The following TBCD variants were observed in gnomAD, a reference collection of about 807,000 sequenced individuals.
The protein encoded by TBCD is tubulin folding cofactor D.
TBCD carries 105 observed loss-of-function variants against 169.3 expected under a neutral mutation model. The observed-to-expected ratio is 0.62, with a 90% CI of 0.53 to 0.73. The LOEUF is 0.73. TBCD is among the 30% of genes least tolerant of loss of function. TBCD has a pLI of 0.00. For synonymous variants in TBCD, 700 were observed against 643.9 expected, an observed-to-expected ratio of 1.09 and a Z score of -1.32; for missense variants, 1,444 against 1,600.1, an observed-to-expected ratio of 0.90 and a Z score of 1.66.
Position 82,890,304 on chromosome 17 carries a change from AG to A in TBCD, c.1563+611del, listed in dbSNP as rs1165268924. Among the ~76,000 whole-genome samples, 1 of 152,108 alleles carries A rather than the reference AG, an allele frequency of 6.6e-6. No individual in the cohort carries two copies. Among genetic ancestry groups the A allele is most frequent in the Non-Finnish European group, 1.5e-5 (1 of 68,020 alleles). ...CAGGAGAGTGGGACAGAGGCCGGAG[AG>A]GGGACCGGGGTCTGGGCTGGACCTG... On this transcript the variant is annotated intron_variant, in intron 16 of 38. Coordinates refer to ENST00000355528, the MANE Select transcript of TBCD (RefSeq NM_005993.5). The surrounding 1 kb of genome is among the most constrained non-coding windows in gnomAD (Gnocchi z 5.3).
chr17:82,933,707 C>T (rs960268874), intron 34 of TBCD, among the ~76,000 whole-genome samples: 1 of 152,122 alleles, frequency 6.6e-6, no homozygotes, highest in Non-Finnish European at 1.5e-5. Context: ...AACCCCGTCC[C>T]GGGTTCAAGC....
intron 13 of TBCD, among the ~76,000 whole-genome samples, chr17:82,829,085 C>A (rs936408684): frequency 6.7e-6 from 1 of 149,648 alleles, no homozygotes; most frequent in Non-Finnish European, 1.5e-5. Flanking sequence ...CACACGCACA[C>A]CCACACAATT....
At chr17:82,893,662 G>T in intron 17 of TBCD, 30 bp downstream of exon 17, 1 of 1,487,528 alleles carries the variant, frequency 6.7e-7, no homozygotes, top group Non-Finnish European at 9.2e-7. Context: ...CACAAAAATA[G>T]AATACTCTAA....
chr17:82,755,998 C>T (rs928343352), intron 1 of TBCD, among the ~76,000 whole-genome samples, 167 bp from the exon 2 acceptor site: 65 of 152,218 alleles, frequency 4.3e-4, no homozygotes, highest in African/African-American at 1.4e-3. Context: ...GCATTCCCTC[C>T]AGGTGGCCTG....
rs1417779041 is a variant in TBCD at position 82,806,225 on chromosome 17, C to G, written c.1087+214C>G. 6.6e-6 allele frequency among the ~76,000 whole-genome samples: 1 copy of G among 152,094 alleles called. No individual in the cohort carries two copies. Among genetic ancestry groups the G allele is most frequent in the Non-Finnish European group, 1.5e-5 (1 of 68,020 alleles). On this transcript the variant is annotated intron_variant, in intron 10 of 38. Transcript: ENST00000355528. This position sits in a 1 kb window ranked among gnomAD's most constrained non-coding sequence, Gnocchi z 5.1. ...GTCTCTTCCTGTGTGCCGTAGAAGC[C>G]CTTTTTCCCACCGCCTCGCCTCCTT...
chr17:82,848,832 C>G (rs1273385873), intron 13 of TBCD, among the ~76,000 whole-genome samples: 1 of 150,098 alleles, frequency 6.7e-6, no homozygotes, highest in African/African-American at 2.5e-5. Flanking sequence ...TGCGTCTTCT[C>G]CACCTCGATG....
intron 14 of TBCD, among the ~76,000 whole-genome samples, chr17:82,881,035 C>G (rs1179336875): frequency 6.6e-6 from 1 of 152,160 alleles, no homozygotes; most frequent in Non-Finnish European, 1.5e-5. Flanking sequence ...AAGGGCCTCC[C>G]CCAGCCCTCA....
chr17:82,898,382 G>A (rs1435218662), intron 17 of TBCD, among the ~76,000 whole-genome samples: 4 of 151,974 alleles, frequency 2.6e-5, no homozygotes, highest in Non-Finnish European at 5.9e-5. Flanking sequence ...CTGGGTTTTG[G>A]TGGGAGCACA....
chr17:82,837,992 G>A (rs2054129653), intron 13 of TBCD, among the ~76,000 whole-genome samples: 1 of 152,238 alleles, frequency 6.6e-6, no homozygotes, highest in African/African-American at 2.4e-5. Flanking sequence ...ATTTACAGAT[G>A]CCACTCTGTG....
intron 15 of TBCD, among the ~76,000 whole-genome samples, chr17:82,888,136 A>G (rs1366277269): frequency 6.6e-6 from 1 of 152,016 alleles, no homozygotes; most frequent in African/African-American, 2.4e-5. Flanking sequence ...AGTGCTTTTT[A>G]AGACGTGAAG....
chr17:82,780,032 A>G (rs2144260087), intron 6 of TBCD, among the ~76,000 whole-genome samples: 3 of 152,290 alleles, frequency 2.0e-5, no homozygotes, highest in African/African-American at 7.2e-5. Flanking sequence ...GATGCCAGTC[A>G]GACCTGCCGG....
At position 82,793,806 on chromosome 17, in the gene TBCD, G is replaced by A. The variant is rs564548867; in HGVS notation, c.772-3951G>A. On this transcript the variant is annotated intron_variant, in intron 7 of 38. Transcript: ENST00000355528. The stretch of plus-strand genomic sequence containing the variant: ...GCTGCCCTCCGTGTGCTGAGCCTGC[G>A]GGGGCACGGCTACCCTCCGTGTGCT... Among the ~76,000 whole-genome samples the A allele has an allele frequency of 2.3e-4, 35 of 151,918 alleles. 1 individual carries two copies. Among genetic ancestry groups the A allele is most frequent in the Admixed American group, 5.2e-4 (8 of 15,274 alleles).
chr17:82,805,774 C>A, intron 9 of TBCD, 101 bp from the exon 10 acceptor site: 1 of 1,402,884 alleles, frequency 7.1e-7, no homozygotes, highest in South Asian at 1.3e-5. Context: ...GGAATTTTCA[C>A]AGGCACGCTT....
rs1049300907 is a variant in TBCD at position 82,847,285 on chromosome 17, G to A, written c.1319-22939G>A. On this transcript the variant is annotated intron_variant, in intron 13 of 38. Transcript: ENST00000355528. ...GGAGAATGGTGTGAACCTGGGAGGC[G>A]GAGCTTGCAGTGAGCCGAGATCATG... Among the ~76,000 whole-genome samples, 6 of 151,028 alleles carry A rather than the reference G, an allele frequency of 4.0e-5. 1 individual carries two copies. The highest frequency in any genetic ancestry group is 1.2e-4 in the African/African-American group (5 of 40,932).
chr17:82,787,728 C>T (rs183410032), intron 7 of TBCD, among the ~76,000 whole-genome samples: 74 of 152,342 alleles, frequency 4.9e-4, no homozygotes, highest in Non-Finnish European at 8.8e-4. Context: ...CAAGTACCAT[C>T]GAAACCAGGA....
At position 82,789,398 on chromosome 17, in the gene TBCD, C is replaced by T. The variant is rs950819096; in HGVS notation, c.771+7677C>T. Among the ~76,000 whole-genome samples the T allele has an allele frequency of 3.3e-5, 5 of 152,236 alleles. No homozygotes were observed. The highest frequency in any genetic ancestry group is 9.6e-5 in the African/African-American group (4 of 41,460). ...CACAGACGTGTGCTCACAGGCAGCC[C>T]GTCGCGGGGTCATGTGCTAGACGGG... On this transcript the variant is annotated intron_variant, in intron 7 of 38. Transcript: ENST00000355528. This position sits in a 1 kb window ranked among gnomAD's most constrained non-coding sequence, Gnocchi z 4.8.
chr17:82,942,711 G>A lies in TBCD; in HGVS notation c.*248G>A, dbSNP rs2063423130. 3.4e-6 allele frequency: 2 copies of A among 596,508 alleles called. No homozygotes were observed. Among genetic ancestry groups the A allele is most frequent in the South Asian group, 2.0e-5 (1 of 49,622 alleles). 37.0% of individuals were successfully genotyped at this position (596,508 alleles called of 1,614,324 possible). A position where few individuals can be genotyped will look rare whatever the true frequency, so the allele number is the denominator to read the frequency against. ...TAAAATCATGTACCAAGAAGTTCCT[G>A]CCTTTTGTCTCTGAGCCTGATGTGT... is the stretch of plus-strand genomic sequence containing the variant. On this transcript the variant is annotated 3_prime_UTR_variant, in exon 39 of 39. Transcript: ENST00000355528.
At chr17:82,838,662 G>A (rs2145405997) in intron 13 of TBCD, 1 of 985,426 alleles carries the variant, frequency 1.0e-6, no homozygotes, top group East Asian at 1.1e-4. Context: ...GTGATTGACT[G>A]CCACTCCCTC....
chr17:82,796,161 C>T (rs557798088), intron 7 of TBCD: 1 of 152,372 alleles, frequency 6.6e-6, no homozygotes, highest in African/African-American at 2.4e-5. Context: ...AGCCCACCTC[C>T]CAGGGAATTT....
Sources: allele counts gnomAD v4.1 joint callset (sites outside exome capture counted in the v4.1 genomes callset), GRCh38; gene constraint gnomAD v4.1.1; non-coding constraint Gnocchi (gnomAD v3.1); transcripts MANE v1.5; gene names NCBI Gene and HGNC (gene_info 2026-07-23, HGNC 2026-07-21).